The following FOXN3 variants were observed in gnomAD, a reference collection of about 807,000 sequenced individuals.
The protein encoded by FOXN3 is forkhead box protein N3.
Under a neutral mutation model 38.4 loss-of-function variants are expected in FOXN3, and 7 were observed. The observed-to-expected ratio is 0.18, with a 90% CI of 0.10 to 0.34. The LOEUF is 0.34. Ranked by LOEUF, FOXN3 falls within the 10% of genes least tolerant of loss-of-function variation. The pLI is 1.00. For synonymous variants in FOXN3, 230 were observed against 242.2 expected (o/e 0.95, Z 0.47); for missense variants, 456 against 613.4 (o/e 0.74, Z 2.71).
intron 1 of FOXN3, among the ~76,000 whole-genome samples, chr14:89,462,675 C>G (rs1221573799): frequency 6.6e-6 from 1 of 151,182 alleles, no homozygotes; most frequent in African/African-American, 2.4e-5. Flanking sequence ...TCAGGTCTCT[C>G]TTCCTCTTCT....
At chr14:89,527,548 A>G (rs1042998652) in intron 1 of FOXN3, among the ~76,000 whole-genome samples, 1 of 152,172 alleles carries the variant, frequency 6.6e-6, no homozygotes, top group Non-Finnish European at 1.5e-5. Flanking sequence ...CCAACCCAAC[A>G]ATATAATGGG....
At chr14:89,391,459 C>T (rs937965298) in intron 2 of FOXN3, among the ~76,000 whole-genome samples, 6 of 152,168 alleles carry the variant, frequency 3.9e-5, no homozygotes, top group Admixed American at 2.0e-4. Context: ...TTGTGCAAAC[C>T]GAGTCTTATT....
intron 4 of FOXN3, among the ~76,000 whole-genome samples, chr14:89,212,008 A>G (rs1179288872): frequency 1.3e-5 from 2 of 152,134 alleles, no homozygotes; most frequent in South Asian, 2.1e-4. Flanking sequence ...TAGTGACCAC[A>G]TAAGAGAGAT....
chr14:89,472,878 C>T (rs185712310), intron 1 of FOXN3, among the ~76,000 whole-genome samples: 111 of 152,270 alleles, frequency 7.3e-4, no homozygotes, highest in Non-Finnish European at 1.3e-3. Context: ...CAAACAATTT[C>T]CATAACCCTT....
chr14:89,257,750 CAA>C (rs1885670095), intron 4 of FOXN3, among the ~76,000 whole-genome samples: 1 of 151,510 alleles, frequency 6.6e-6, no homozygotes, highest in Non-Finnish European at 1.5e-5. Context: ...ATCCTATCTC[CAA>C]AAAACAAAAA....
chr14:89,280,490 T>C (rs572834404), intron 4 of FOXN3, among the ~76,000 whole-genome samples: 1 of 152,148 alleles, frequency 6.6e-6, no homozygotes, highest in Non-Finnish European at 1.5e-5. Context: ...TCCAGGTACA[T>C]GTAGATGTTG....
chr14:89,181,777 C>A lies in FOXN3; in HGVS notation c.746-971G>T, dbSNP rs115070825. Reference sequence around the variant, plus strand: ...TTTCTAACCCTCCAAACAGCAATTTCATCTGGTCCAAGCTAATATTCTGCC... The same window carrying A: ...TTTCTAACCCTCCAAACAGCAATTTAATCTGGTCCAAGCTAATATTCTGCC... On this transcript the variant is annotated intron_variant, in intron 4 of 5. Transcript: ENST00000557258. 6.8e-3 allele frequency among the ~76,000 whole-genome samples: 1,034 copies of A among 152,336 alleles called. 15 individuals carry two copies. The highest frequency in any genetic ancestry group is 0.024 in the African/African-American group (996 of 41,572).
At chr14:89,239,175 CA>C (rs1299259052) in intron 4 of FOXN3, among the ~76,000 whole-genome samples, 1 of 152,184 alleles carries the variant, frequency 6.6e-6, no homozygotes, top group Non-Finnish European at 1.5e-5. Flanking sequence ...AGCGGAACCA[CA>C]AGAGCTGAAT....
At position 89,506,282 on chromosome 14, in the gene FOXN3, G is replaced by T. The variant is rs369913424; in HGVS notation, c.-14-93792C>A. On this transcript the variant is annotated intron_variant, in intron 1 of 6. Transcript: ENST00000345097. ...CCCCGTCCGGGAGGGAGGTGGGGGG[G>T]TCAGCCCCCCGCCCGGCCAGCCGCC... 8.3e-4 allele frequency among the ~76,000 whole-genome samples: 35 copies of T among 42,096 alleles called. 2 individuals carry two copies. Among genetic ancestry groups the T allele is most frequent in the African/African-American group, 1.5e-3 (33 of 22,184 alleles). The allele number at this position is 42,096 out of a possible 152,430, so 27.6% of individuals were successfully genotyped here.
At chr14:89,203,798 C>G (rs1051770190) in intron 4 of FOXN3, among the ~76,000 whole-genome samples, 2 of 152,062 alleles carry the variant, frequency 1.3e-5, no homozygotes, top group East Asian at 1.9e-4. Context: ...TTTCCTCCAG[C>G]CAGTCTGACG....
At chr14:89,394,369 A>G (rs954266611) in intron 2 of FOXN3, among the ~76,000 whole-genome samples, 1 of 151,912 alleles carries the variant, frequency 6.6e-6, no homozygotes, top group Non-Finnish European at 1.5e-5. Flanking sequence ...ACGCCCAGCT[A>G]ATTTTTTTTG....
intron 1 of FOXN3, among the ~76,000 whole-genome samples, chr14:89,571,247 G>A (rs895212284): frequency 1.3e-5 from 2 of 152,184 alleles, no homozygotes; most frequent in South Asian, 2.1e-4. Context: ...GGTGGCTCAC[G>A]CCTGTAATCC....
rs149510500 is a variant in FOXN3 at position 89,277,901 on chromosome 14, T to C, written c.745+3049A>G. Among the ~76,000 whole-genome samples, 819 of 152,350 alleles carry C rather than the reference T, an allele frequency of 5.4e-3. 2 individuals carry two copies. The highest frequency in any genetic ancestry group is 0.014 in the Middle Eastern group (4 of 294). ...ATGGTCTCTGTGAAGCTAAGTTCTCTGGTTATTTCTCTTTCTTGCAATGAC... is the reference window on the plus strand; with the variant it reads ...ATGGTCTCTGTGAAGCTAAGTTCTCCGGTTATTTCTCTTTCTTGCAATGAC... On this transcript the variant is annotated intron_variant, in intron 4 of 5. Coordinates refer to ENST00000557258, the MANE Select transcript of FOXN3 (RefSeq NM_005197.4).
chr14:89,493,318 T>G (rs1480862569), intron 1 of FOXN3, among the ~76,000 whole-genome samples: 1 of 152,204 alleles, frequency 6.6e-6, no homozygotes, highest in African/African-American at 2.4e-5. Flanking sequence ...CCCACAATCA[T>G]AACGTGCACA....
chr14:89,428,236 T>G (rs994908312), intron 1 of FOXN3, among the ~76,000 whole-genome samples: 2 of 152,254 alleles, frequency 1.3e-5, no homozygotes, highest in Non-Finnish European at 2.9e-5. Context: ...TTTTTGGAGA[T>G]TAGCAATTTA....
At chr14:89,335,122 C>CACACAA (rs1888409662) in intron 3 of FOXN3, among the ~76,000 whole-genome samples, 2 of 138,144 alleles carry the variant, frequency 1.4e-5, no homozygotes, top group Non-Finnish European at 3.1e-5. Flanking sequence ...CACACACACA[C>CACACAA]AAATGGTAAC....
intron 1 of FOXN3, among the ~76,000 whole-genome samples, chr14:89,509,899 T>C (rs1894021371): frequency 1.3e-5 from 2 of 152,240 alleles, no homozygotes; most frequent in Non-Finnish European, 2.9e-5. Context: ...TTGTGGCAGA[T>C]TGCAGGAGAT....
chr14:89,218,073 C>G lies in FOXN3; in HGVS notation c.746-37267G>C, dbSNP rs368668134. 1.6e-4 allele frequency among the ~76,000 whole-genome samples: 24 copies of G among 152,334 alleles called. 1 individual carries two copies. The East Asian group carries it at 3.1e-3, about 20-fold the overall frequency. On this transcript the variant is annotated intron_variant, in intron 4 of 5. Transcript: ENST00000557258. ...ACTCTTTTAGCAAAACCCGGTTTCA[C>G]TCACTGACATTTTTATGGTTCCTGG...
intron 1 of FOXN3, among the ~76,000 whole-genome samples, chr14:89,470,294 T>A (rs1893067016): frequency 6.8e-6 from 1 of 148,146 alleles, no homozygotes; most frequent in African/African-American, 2.5e-5. Context: ...TCTGACTTTC[T>A]AAAAAAAAAA....
Sources: allele counts gnomAD v4.1 joint callset (sites outside exome capture counted in the v4.1 genomes callset), GRCh38; gene constraint gnomAD v4.1.1; transcripts MANE v1.5; gene names NCBI Gene and HGNC (gene_info 2026-07-23, HGNC 2026-07-21).